Variants in PCDHGB1 observed in about 807,000 individuals in gnomAD.
PCDHGB1 encodes protocadherin gamma subfamily B, 1.
Under a neutral mutation model 56.6 loss-of-function variants are expected in PCDHGB1, and 34 were observed. The observed-to-expected ratio is 0.60, with a 90% CI of 0.46 to 0.80. The LOEUF (loss-of-function observed/expected upper bound fraction) is 0.80. Among genes scored for constraint, PCDHGB1 ranks in the 30% least tolerant of loss-of-function variants. The pLI, the probability that PCDHGB1 is intolerant of heterozygous loss-of-function variation, is 0.00. For synonymous variants in PCDHGB1, 561 were observed against 505.9 expected (o/e 1.11, Z -1.46); for missense variants, 1,278 against 1,204.6 (o/e 1.06, Z -0.90).
chr5:141,386,303 T>A (rs938709302), intron 1 of PCDHGB1, among the ~76,000 whole-genome samples: 6 of 152,202 alleles, frequency 3.9e-5, no homozygotes, highest in Admixed American at 2.0e-4. Flanking sequence ...TTAGTAAAGC[T>A]CAGTATATCA....
At chr5:141,479,855 C>T (rs1330076788) in intron 1 of PCDHGB1, among the ~76,000 whole-genome samples, 2 of 152,128 alleles carry the variant, frequency 1.3e-5, no homozygotes, top group Non-Finnish European at 2.9e-5. Context: ...ACTGCAAGGC[C>T]TTTGCCCTGG....
At chr5:141,451,468 C>G (rs2098716484) in intron 1 of PCDHGB1, among the ~76,000 whole-genome samples, 1 of 152,202 alleles carries the variant, frequency 6.6e-6, no homozygotes, top group South Asian at 2.1e-4. Context: ...AGGTCTACCT[C>G]AGTTCCTTGC....
intron 1 of PCDHGB1, chr5:141,382,606 GA>G: frequency 3.6e-6 from 1 of 276,248 alleles, no homozygotes; most frequent in African/African-American, 2.2e-5. Flanking sequence ...AATTTTCTAT[GA>G]AATCAGTGTA....
intron 1 of PCDHGB1, chr5:141,419,070 T>G: frequency 6.2e-7 from 1 of 1,613,926 alleles, no homozygotes; most frequent in Non-Finnish European, 8.5e-7. Context: ...TACTACAAGC[T>G]AGTAACAGAT....
intron 1 of PCDHGB1, chr5:141,441,792 G>T: frequency 2.6e-6 from 1 of 389,292 alleles, no homozygotes; most frequent in Non-Finnish European, 5.1e-6. Context: ...GAATGACAAC[G>T]CACCGCGGGT....
At position 141,431,294 on chromosome 5, in the gene PCDHGB1, T is replaced by C; in HGVS notation, c.2410-63513T>C. 1.9e-6 allele frequency: 3 copies of C among 1,614,096 alleles called. No individual in the cohort carries two copies. Among genetic ancestry groups the C allele is most frequent in the Non-Finnish European group, 2.5e-6 (3 of 1,180,026 alleles). ...CGAGCTCAGCCCGAACACTCACTTC[T>C]CCCTCATCGTGCAAAATGGAGCCGA... On this transcript the variant is annotated intron_variant, in intron 1 of 3. Transcript: ENST00000523390. The surrounding 1 kb of genome is among the most constrained non-coding windows in gnomAD (Gnocchi z 4.8).
At chr5:141,408,917 C>G in intron 1 of PCDHGB1, 1 of 1,613,366 alleles carries the variant, frequency 6.2e-7, no homozygotes, top group South Asian at 1.1e-5. Flanking sequence ...CAATGATAAC[C>G]CCCCGGTTTT....
At chr5:141,497,468 G>A (rs912445126) in intron 2 of PCDHGB1, among the ~76,000 whole-genome samples, 10 of 151,996 alleles carry the variant, frequency 6.6e-5, no homozygotes, top group African/African-American at 2.4e-4. Flanking sequence ...GAGATATGGA[G>A]GAGAAGGTGC....
In PCDHGB1 at chr5:141,494,676, C is replaced by T. The variant is rs2099755997; in HGVS notation, c.2410-131C>T. On this transcript the variant is annotated intron_variant, in intron 1 of 3. Transcript: ENST00000523390. ...TTTGTCTTTGGAGATGAGTCCACCCCTGCCCCCTCTTAGTCCGTTTTCTTC... is the reference window on the plus strand; with the variant it reads ...TTTGTCTTTGGAGATGAGTCCACCCTTGCCCCCTCTTAGTCCGTTTTCTTC... 1.7e-5 allele frequency: 26 copies of T among 1,550,800 alleles called. No individual in the cohort carries two copies. In the South Asian group the frequency reaches 3.0e-4, roughly 18 times the overall value.
Position 141,405,169 on chromosome 5 carries a change from C to G in PCDHGB1, c.2409+52500C>G, listed in dbSNP as rs377298438. 12 of 1,614,004 alleles carry G rather than the reference C, an allele frequency of 7.4e-6. No homozygotes were observed. The African/African-American group carries it at 1.6e-4, about 22-fold the overall frequency. On this transcript the variant is annotated intron_variant, in intron 1 of 3. Coordinates refer to ENST00000523390, the MANE Select transcript of PCDHGB1 (RefSeq NM_018922.3). ...GGTTGGCTGGTGTGCCCACCTCACA[C>G]TTTGTGGGTGTAGATGGGGTTCGAG...
chr5:141,505,653 G>A (rs1049630228), intron 3 of PCDHGB1, among the ~76,000 whole-genome samples, 172 bp downstream of exon 3: 1 of 152,184 alleles, frequency 6.6e-6, no homozygotes, highest in Non-Finnish European at 1.5e-5. Context: ...TTGTGGCTAA[G>A]GAACAGCAGA....
chr5:141,351,714 A>C lies in PCDHGB1; in HGVS notation c.1454A>C (p.Tyr485Ser). The change falls in exon 1 of 4, where the codon TAC becomes TCC. Residue 485 changes from tyrosine to serine, a missense_variant. Tyr to Ser is a moderately radical substitution (Grantham distance 144). Transcript: ENST00000523390. ...TTGGGACCCAACGGCAGAGTCTCCT[A>C]CTCTATTCTGGCCAGTGACCTGGAG... ...PDLGPNGRVSYSILASDLEPR... is the reference protein window; with the variant it reads ...PDLGPNGRVSSSILASDLEPR... The C allele has an allele frequency of 6.2e-7, 1 of 1,613,242 alleles. No individual in the cohort carries two copies.
chr5:141,370,192 G>T (rs1346847979), intron 1 of PCDHGB1: 1 of 524,194 alleles, frequency 1.9e-6, no homozygotes, highest in South Asian at 3.7e-5. Flanking sequence ...CTTGGCTAGT[G>T]CTGTGCAAAA....
intron 1 of PCDHGB1, chr5:141,405,444 G>C: frequency 7.2e-7 from 1 of 1,379,466 alleles, no homozygotes; most frequent in Non-Finnish European, 1.0e-6. Flanking sequence ...TTTTGAGACA[G>C]AGTCTTACTC....
rs1366128123 is a variant in PCDHGB1 at position 141,353,185 on chromosome 5, G to T, written c.2409+516G>T. Among the ~76,000 whole-genome samples, 3 of 151,922 alleles carry T rather than the reference G, an allele frequency of 2.0e-5. No individual in the cohort carries two copies. The East Asian group carries it at 5.8e-4, about 29-fold the overall frequency. ...TACTGTTGGCATTTCTGTATGGTTG[G>T]CAAATCTTGCTAAAGAGACCTGTTT... is the stretch of plus-strand genomic sequence containing the variant. On this transcript the variant is annotated intron_variant, in intron 1 of 3. Transcript: ENST00000523390.
rs1253890351 is a variant in PCDHGB1, at chr5:141,372,427, G to T, written c.2409+19758G>T. The T allele has an allele frequency of 3.1e-6, 5 of 1,613,872 alleles. No homozygotes were observed. Among genetic ancestry groups the T allele is most frequent in the East Asian group, 2.2e-5 (1 of 44,888 alleles). On this transcript the variant is annotated intron_variant, in intron 1 of 3. Coordinates refer to ENST00000523390, the MANE Select transcript of PCDHGB1 (RefSeq NM_018922.3). ...GAGATACAACCTGACCTTAGCGACC[G>T]CCCCACTCCCTCTGACCCTCAGGCG...
chr5:141,475,679 T>A (rs967189869), intron 1 of PCDHGB1, among the ~76,000 whole-genome samples: 2 of 152,236 alleles, frequency 1.3e-5, no homozygotes, highest in African/African-American at 4.8e-5. Flanking sequence ...GAGTCTTGAT[T>A]TGGATTGGAG....
At chr5:141,384,745 C>G (rs1304134885) in intron 1 of PCDHGB1, 1 of 1,613,956 alleles carries the variant, frequency 6.2e-7, no homozygotes, top group African/African-American at 1.3e-5. Context: ...CGAGCCAGGA[C>G]TCTTTGCGGT....
At chr5:141,357,483 G>T (rs368424779) in intron 1 of PCDHGB1, 6 of 1,614,194 alleles carry the variant, frequency 3.7e-6, no homozygotes, top group Admixed American at 1.7e-5. Flanking sequence ...CCCTCACCGC[G>T]GACTCGCGGA....
Sources: allele counts gnomAD v4.1 joint callset (sites outside exome capture counted in the v4.1 genomes callset), GRCh38; gene constraint gnomAD v4.1.1; non-coding constraint Gnocchi (gnomAD v3.1); transcripts MANE v1.5; gene names NCBI Gene and HGNC (gene_info 2026-07-23, HGNC 2026-07-21).